Variants in AGTR1 observed in about 807,000 individuals in gnomAD.
AGTR1 encodes the protein angiotensin II receptor type 1, also known as type-1 angiotensin II receptor.
Under a neutral mutation model 19.4 loss-of-function variants are expected in AGTR1, and 16 were observed. The observed-to-expected ratio is 0.82, with a 90% CI of 0.56 to 1.25. The LOEUF (loss-of-function observed/expected upper bound fraction) is 1.25, where lower values mean the gene tolerates loss of function less well. AGTR1 is among the 50% of genes most tolerant of loss of function. AGTR1 has a pLI of 0.00. For synonymous variants in AGTR1, 153 were observed against 154.9 expected, an observed-to-expected ratio of 0.99 and a Z score of 0.09; for missense variants, 373 against 431.9, an observed-to-expected ratio of 0.86 and a Z score of 1.21.
chr3:148,703,930 T>C (rs1712504978), intron 1 of AGTR1, among the ~76,000 whole-genome samples: 1 of 147,818 alleles, frequency 6.8e-6, no homozygotes, highest in Admixed American at 6.6e-5. Flanking sequence ...ATTCCTTCTT[T>C]AACTGTTTGA....
chr3:148,736,448 G>A (rs1485932605), intron 2 of AGTR1, among the ~76,000 whole-genome samples: 10 of 152,166 alleles, frequency 6.6e-5, no homozygotes, highest in Non-Finnish European at 1.2e-4. Flanking sequence ...TTACTCTCAC[G>A]CTTTCTTAAC....
intron 2 of AGTR1, among the ~76,000 whole-genome samples, chr3:148,715,565 TG>T (rs1432029710): frequency 6.6e-6 from 1 of 152,056 alleles, no homozygotes; most frequent in Non-Finnish European, 1.5e-5. Flanking sequence ...GAGAAAAAAA[TG>T]CAGCTTCCTT....
chr3:148,730,351 C>A (rs1714179137), intron 2 of AGTR1: 1 of 391,320 alleles, frequency 2.6e-6, no homozygotes, highest in East Asian at 3.6e-5. Flanking sequence ...GATCTTAGTT[C>A]TTCCTGAGAA....
At chr3:148,737,746 T>C (rs1395575606) in intron 2 of AGTR1, among the ~76,000 whole-genome samples, 1 of 152,182 alleles carries the variant, frequency 6.6e-6, no homozygotes, top group Non-Finnish European at 1.5e-5. Context: ...AAAAAATTTG[T>C]TTCTTTATTG....
At position 148,735,035 on chromosome 3, in the gene AGTR1, G is replaced by A. The variant is rs535953936; in HGVS notation, c.-47-5954G>A. ...TCTGAATAAAAGTTAAGACCACATT[G>A]GGCCAGATCAGGACTAACACTAGAT... On this transcript the variant is annotated intron_variant, in intron 2 of 2. Transcript: ENST00000349243. 2.0e-5 allele frequency among the ~76,000 whole-genome samples: 3 copies of A among 152,210 alleles called. No individual in the cohort carries two copies. In the South Asian group the frequency reaches 6.2e-4, roughly 32 times the overall value.
chr3:148,731,511 G>C (rs1316013908), intron 2 of AGTR1: 1 of 152,156 alleles, frequency 6.6e-6, no homozygotes, highest in Admixed American at 6.5e-5. Context: ...TTGAAAGTCT[G>C]AGCTTTATTT....
chr3:148,708,200 C>T (rs116011753), intron 2 of AGTR1, among the ~76,000 whole-genome samples, 173 bp downstream of exon 2: 3 of 152,222 alleles, frequency 2.0e-5, no homozygotes, highest in African/African-American at 4.8e-5. Flanking sequence ...AGATTAAGAG[C>T]GTTTGTATTT....
At chr3:148,733,770 T>C (rs938844175) in intron 2 of AGTR1, among the ~76,000 whole-genome samples, 2 of 152,224 alleles carry the variant, frequency 1.3e-5, no homozygotes, top group African/African-American at 4.8e-5. Context: ...TTGAAGAATT[T>C]AGAAGTGTAA....
At chr3:148,707,238 GATATAC>G (rs1465502469) in intron 1 of AGTR1, among the ~76,000 whole-genome samples, 2 of 151,914 alleles carry the variant, frequency 1.3e-5, no homozygotes, top group African/African-American at 4.8e-5. Context: ...AAAAACTATA[GATATAC>G]ATATTTATAT....
At chr3:148,698,393 C>G (rs146303306) in intron 1 of AGTR1, 1 of 152,366 alleles carries the variant, frequency 6.6e-6, no homozygotes, top group East Asian at 1.9e-4. Context: ...CCAAACTCTT[C>G]CGAGTGCAAG....
intron 2 of AGTR1, among the ~76,000 whole-genome samples, chr3:148,726,366 G>A (rs1713938139): frequency 6.6e-6 from 1 of 152,030 alleles, no homozygotes; most frequent in Admixed American, 6.6e-5. Context: ...ATGCCACCAT[G>A]CCTGGCTAAT....
At chr3:148,729,360 T>C (rs913875251) in intron 2 of AGTR1, among the ~76,000 whole-genome samples, 5 of 152,200 alleles carry the variant, frequency 3.3e-5, no homozygotes, top group Non-Finnish European at 7.3e-5. Flanking sequence ...ATATTTCCAC[T>C]TCACAACCCA....
intron 2 of AGTR1, among the ~76,000 whole-genome samples, chr3:148,729,644 C>A (rs1028408663): frequency 6.6e-6 from 1 of 152,150 alleles, no homozygotes; most frequent in Non-Finnish European, 1.5e-5. Context: ...ATTGGCCTGG[C>A]ATCGGTGTCT....
At chr3:148,734,753 C>T (rs1714476920) in intron 2 of AGTR1, among the ~76,000 whole-genome samples, 2 of 152,126 alleles carry the variant, frequency 1.3e-5, no homozygotes, top group Admixed American at 6.5e-5. Context: ...TCTCTTGCCC[C>T]ATGGTGCCAG....
At chr3:148,727,952 G>A (rs62276482) in intron 2 of AGTR1, among the ~76,000 whole-genome samples, 38 of 152,058 alleles carry the variant, frequency 2.5e-4, no homozygotes, top group Non-Finnish European at 4.1e-4. Flanking sequence ...ACTGTCCCAC[G>A]CATTGTAAAA....
At position 148,741,213 on chromosome 3, in the gene AGTR1, A is replaced by G; in HGVS notation, c.178A>G (p.Lys60Glu). The change falls in exon 3 of 3, where the codon AAG (lysine) becomes GAG (glutamate). Residue 60 changes from lysine (K) to glutamate (E), a missense_variant. Physicochemically the swap from Lys to Glu is moderately conservative, Grantham distance 56. Coordinates refer to ENST00000349243, the MANE Select transcript of AGTR1 (RefSeq NM_000685.5). ...VIVIYFYMKLKTVASVFLLNL... is the reference protein window; with the variant it reads ...VIVIYFYMKLETVASVFLLNL... ...AGTCATTTACTTTTATATGAAGCTG[A>G]AGACTGTGGCCAGTGTTTTTCTTTT... 1.9e-6 allele frequency: 3 copies of G among 1,614,164 alleles called. No homozygotes were observed. Among genetic ancestry groups the G allele is most frequent in the South Asian group, 1.1e-5 (1 of 91,088 alleles).
Position 148,741,806 on chromosome 3 carries a change from AAT to A in AGTR1, c.774_775del (p.Phe259HisfsTer14). On this transcript the variant is annotated frameshift_variant, in exon 3 of 3. Coordinates refer to ENST00000349243, the MANE Select transcript of AGTR1 (RefSeq NM_000685.5). LOFTEE classifies it high-confidence loss of function. The stretch of plus-strand genomic sequence containing the variant: ...TTTTCTTTTCCTGGATTCCCCACCA[AAT>A]ATTCACTTTTCTGGATGTATTGATT... The part of the protein sequence containing the change: ...FFFFSWIPHQ[I>X]FTFLDVLIQL... 6.2e-7 allele frequency: 1 copy of A among 1,613,492 alleles called. No homozygotes were observed. The highest frequency in any genetic ancestry group is 8.5e-7 in the Non-Finnish European group (1 of 1,179,982).
intron 2 of AGTR1, among the ~76,000 whole-genome samples, chr3:148,727,734 T>C (rs1167702974): frequency 6.6e-6 from 1 of 152,250 alleles, no homozygotes; most frequent in Non-Finnish European, 1.5e-5. Context: ...TAGGATTTTA[T>C]CTTTTGTGAG....
At chr3:148,732,917 T>C (rs1714363360) in intron 2 of AGTR1, among the ~76,000 whole-genome samples, 2 of 151,122 alleles carry the variant, frequency 1.3e-5, no homozygotes, top group African/African-American at 4.9e-5. Context: ...ATTTTTTGTA[T>C]TTTTAGTAGA....
Sources: allele counts gnomAD v4.1 joint callset (sites outside exome capture counted in the v4.1 genomes callset), GRCh38; gene constraint gnomAD v4.1.1; transcripts MANE v1.5; gene names NCBI Gene and HGNC (gene_info 2026-07-23, HGNC 2026-07-21).